ZDHHC14: variants seen among roughly 807,000 people sequenced by gnomAD.
ZDHHC14 encodes zDHHC palmitoyltransferase 14, also known as palmitoyltransferase ZDHHC14.
In ZDHHC14, 16 loss-of-function variants were observed where a neutral mutation model predicts 47.7. The observed-to-expected ratio is 0.34, with a 90% CI of 0.23 to 0.51. The LOEUF (loss-of-function observed/expected upper bound fraction) is 0.51, where lower values mean the gene tolerates loss of function less well. Among genes scored for constraint, ZDHHC14 ranks in the 20% least tolerant of loss-of-function variants. The pLI, the probability that ZDHHC14 is intolerant of heterozygous loss-of-function variation, is 0.97. For missense variants in ZDHHC14, 515 were observed against 662.5 expected, an observed-to-expected ratio of 0.78 and a Z score of 2.44; for synonymous variants, 293 against 278.9, an observed-to-expected ratio of 1.05 and a Z score of -0.50.
chr6:157,495,409 C>T (rs988279747), intron 1 of ZDHHC14, among the ~76,000 whole-genome samples: 10 of 152,154 alleles, frequency 6.6e-5, no homozygotes, highest in Non-Finnish European at 1.3e-4. Context: ...TTTCTGCCCT[C>T]GAGTTCCTTG....
chr6:157,623,993 C>T (rs1326144537), intron 3 of ZDHHC14, among the ~76,000 whole-genome samples: 12 of 152,176 alleles, frequency 7.9e-5, no homozygotes, highest in Non-Finnish European at 1.3e-4. Flanking sequence ...CACACGTGCC[C>T]CTAACCCTAC....
rs1785521410 is a variant in ZDHHC14 at position 157,628,332 on chromosome 6, T to C, written c.566-17T>C. Reference sequence around the variant, plus strand: ...AATTGATTTCCACTTTTTTTTTTTTTCTGCCTCTCATTTCAGAACGGTTTG... The same window carrying C: ...AATTGATTTCCACTTTTTTTTTTTTCCTGCCTCTCATTTCAGAACGGTTTG... On this transcript the variant is annotated splice_polypyrimidine_tract_variant and intron_variant, in intron 3 of 8. Coordinates refer to ENST00000359775, the MANE Select transcript of ZDHHC14 (RefSeq NM_024630.3). The C allele has an allele frequency of 2.5e-6, 4 of 1,574,418 alleles. No homozygotes were observed. The highest frequency in any genetic ancestry group is 1.7e-6 in the Non-Finnish European group (2 of 1,170,962).
At chr6:157,650,595 C>T (rs1476333838) in intron 7 of ZDHHC14, among the ~76,000 whole-genome samples, 5 of 151,886 alleles carry the variant, frequency 3.3e-5, no homozygotes, top group Admixed American at 2.0e-4. Flanking sequence ...GTTCTTTTTC[C>T]GCTCCTGGAT....
chr6:157,534,533 T>TATTTCATTTC lies in ZDHHC14; in HGVS notation c.246-7994_246-7985dup, dbSNP rs34937760. Among the ~76,000 whole-genome samples the TATTTCATTTC allele has an allele frequency of 2.1e-3, 303 of 141,194 alleles. 3 individuals carry two copies. Among genetic ancestry groups the TATTTCATTTC allele is most frequent in the Middle Eastern group, 7.0e-3 (2 of 286 alleles). 92.6% of individuals were successfully genotyped at this position (141,194 alleles called of 152,430 possible). ...AGAAGCCTCTGGCTTCCTGGAATTC[T>TATTTCATTTC]ATTTCATTTCATTTCATTTCATTTC... On this transcript the variant is annotated intron_variant, in intron 1 of 8. Coordinates refer to ENST00000359775, the MANE Select transcript of ZDHHC14 (RefSeq NM_024630.3).
At chr6:157,571,999 A>G (rs1288418602) in intron 2 of ZDHHC14, among the ~76,000 whole-genome samples, 1 of 151,994 alleles carries the variant, frequency 6.6e-6, no homozygotes, top group Non-Finnish European at 1.5e-5. Context: ...ATCTTTGAAA[A>G]TGCAGATTCT....
At chr6:157,589,982 A>AACTTC (rs1783846804) in intron 2 of ZDHHC14, among the ~76,000 whole-genome samples, 1 of 152,188 alleles carries the variant, frequency 6.6e-6, no homozygotes, top group African/African-American at 2.4e-5. Flanking sequence ...GGAGATGAGA[A>AACTTC]ACTTCTTGGA....
chr6:157,439,659 G>C (rs969477038), intron 1 of ZDHHC14, among the ~76,000 whole-genome samples: 1 of 152,102 alleles, frequency 6.6e-6, no homozygotes, highest in Non-Finnish European at 1.5e-5. Flanking sequence ...TCATTACTGG[G>C]TATATACCCA....
chr6:157,611,665 A>G (rs1356477803), intron 3 of ZDHHC14, among the ~76,000 whole-genome samples: 2 of 152,342 alleles, frequency 1.3e-5, no homozygotes, highest in East Asian at 3.9e-4. Flanking sequence ...ACTCTGGCCA[A>G]GTGCTCACCT....
In ZDHHC14 at chr6:157,582,980, G is replaced by C. The variant is rs936784595; in HGVS notation, c.407-10008G>C. ...ATTTCAGAGCCAGTCTTTAAGCTGT[G>C]AGATTCCTTCTTCTGCTTGGTATGT... On this transcript the variant is annotated intron_variant, in intron 2 of 8. Coordinates refer to ENST00000359775, the MANE Select transcript of ZDHHC14 (RefSeq NM_024630.3). The surrounding 1 kb of genome is among the most constrained non-coding windows in gnomAD (Gnocchi z 4.3). Among the ~76,000 whole-genome samples the C allele has an allele frequency of 2.0e-5, 3 of 151,616 alleles. No individual in the cohort carries two copies. Among genetic ancestry groups the C allele is most frequent in the African/African-American group, 7.3e-5 (3 of 41,250 alleles).
chr6:157,652,153 A>G (rs1332085625), intron 7 of ZDHHC14, among the ~76,000 whole-genome samples: 4 of 152,132 alleles, frequency 2.6e-5, no homozygotes, highest in Non-Finnish European at 5.9e-5. Flanking sequence ...TTCTAAACCT[A>G]TGGAGTGTTC....
intron 1 of ZDHHC14, among the ~76,000 whole-genome samples, chr6:157,483,796 GT>G (rs763557906): frequency 2.6e-5 from 4 of 152,256 alleles, no homozygotes; most frequent in Admixed American, 1.3e-4. Flanking sequence ...AGACTTCTCT[GT>G]TTTGGGGAAC....
chr6:157,448,855 C>A (rs1284660901), intron 1 of ZDHHC14, among the ~76,000 whole-genome samples: 1 of 152,218 alleles, frequency 6.6e-6, no homozygotes, highest in Non-Finnish European at 1.5e-5. Flanking sequence ...GGATTATAGG[C>A]GTGAGCCACT....
intron 1 of ZDHHC14, among the ~76,000 whole-genome samples, chr6:157,510,359 C>A (rs1313371949): frequency 6.6e-6 from 1 of 152,194 alleles, no homozygotes; most frequent in African/African-American, 2.4e-5. Flanking sequence ...AAGAATGTTC[C>A]AGATGCTCAT....
At chr6:157,426,010 C>T (rs1778209998) in intron 1 of ZDHHC14, among the ~76,000 whole-genome samples, 1 of 152,214 alleles carries the variant, frequency 6.6e-6, no homozygotes, top group Non-Finnish European at 1.5e-5. Context: ...ACCAGACTGG[C>T]TCCCCATCTA....
chr6:157,484,314 TAC>T (rs1352438289), intron 1 of ZDHHC14, among the ~76,000 whole-genome samples: 6 of 104,102 alleles, frequency 5.8e-5, no homozygotes, highest in South Asian at 5.6e-4. Context: ...TACATATATA[TAC>T]ACATATATAT....
intron 1 of ZDHHC14, among the ~76,000 whole-genome samples, chr6:157,528,479 C>T (rs1227864577): frequency 6.6e-6 from 1 of 150,910 alleles, no homozygotes; most frequent in Non-Finnish European, 1.5e-5. Flanking sequence ...CACCTGTAAT[C>T]CCAGCACTTT....
At chr6:157,542,409 C>T (rs1781800414) in intron 1 of ZDHHC14, among the ~76,000 whole-genome samples, 176 bp from the exon 2 acceptor site, 1 of 152,236 alleles carries the variant, frequency 6.6e-6, no homozygotes, top group African/African-American at 2.4e-5. Context: ...TAAGACAGAA[C>T]TGCAGACCTC....
chr6:157,533,946 T>A (rs981717212), intron 1 of ZDHHC14, among the ~76,000 whole-genome samples: 1 of 152,234 alleles, frequency 6.6e-6, no homozygotes, highest in Admixed American at 6.5e-5. Context: ...TCAATAAGTA[T>A]GAAATAAAGA....
At chr6:157,620,420 A>C (rs1249797896) in intron 3 of ZDHHC14, among the ~76,000 whole-genome samples, 1 of 152,182 alleles carries the variant, frequency 6.6e-6, no homozygotes, top group African/African-American at 2.4e-5. Flanking sequence ...ATTAAGTTTC[A>C]ATGTGAGTTT....
Sources: allele counts gnomAD v4.1 joint callset (sites outside exome capture counted in the v4.1 genomes callset), GRCh38; gene constraint gnomAD v4.1.1; non-coding constraint Gnocchi (gnomAD v3.1); transcripts MANE v1.5; gene names NCBI Gene and HGNC (gene_info 2026-07-23, HGNC 2026-07-21).